DCUN1D5: variants seen among roughly 807,000 people sequenced by gnomAD.
The protein encoded by DCUN1D5 is DCN1-like protein 5.
DCUN1D5 carries 10 observed loss-of-function variants against 38.3 expected under a neutral mutation model. The ratio of observed to expected loss-of-function variants is 0.26; its 90% CI spans 0.16 to 0.44. The LOEUF (loss-of-function observed/expected upper bound fraction) is 0.44, where lower values mean the gene tolerates loss of function less well. Among genes scored for constraint, DCUN1D5 ranks in the 20% least tolerant of loss-of-function variants. The pLI is 1.00. For missense variants in DCUN1D5, 148 were observed against 275.3 expected, an observed-to-expected ratio of 0.54 and a Z score of 3.27; for synonymous variants, 93 against 90.9, an observed-to-expected ratio of 1.02 and a Z score of -0.13.
Position 103,083,356 on chromosome 11 carries a change from T to C in DCUN1D5, c.179-30A>G. On this transcript the variant is annotated intron_variant, in intron 2 of 7. Transcript: ENST00000260247. The surrounding 1 kb of genome is among the most constrained non-coding windows in gnomAD (Gnocchi z 4.4). Reference sequence around the variant, plus strand: ...AAAGACAAAAATAATTAACATATTTTGTTATAATATCAACATAAAACATAA... The same window carrying C: ...AAAGACAAAAATAATTAACATATTTCGTTATAATATCAACATAAAACATAA... The C allele has an allele frequency of 8.1e-7, 1 of 1,234,972 alleles. No individual in the cohort carries two copies. The highest frequency in any genetic ancestry group is 1.2e-6 in the Non-Finnish European group (1 of 840,140). The allele number at this position is 1,234,972 out of a possible 1,614,324, so 76.5% of individuals were successfully genotyped here. A position where few individuals can be genotyped will look rare whatever the true frequency, so the allele number is the denominator to read the frequency against.
In DCUN1D5 at chr11:103,091,454, G is replaced by C. The variant is rs1239494675; in HGVS notation, c.86+333C>G. The C allele has an allele frequency of 3.0e-6, 1 of 331,532 alleles. No individual in the cohort carries two copies. The highest frequency in any genetic ancestry group is 5.8e-6 in the Non-Finnish European group (1 of 173,390). 20.5% of individuals were successfully genotyped at this position (331,532 alleles called of 1,614,324 possible). A position where few individuals can be genotyped will look rare whatever the true frequency, so the allele number is the denominator to read the frequency against. ...TAGAAAAAGGCAGAGGAGCGATACG[G>C]GAGTAGGGGATCGAGGGTCGGTTGT... On this transcript the variant is annotated intron_variant, in intron 1 of 7. Transcript: ENST00000260247. The surrounding 1 kb of genome is among the most constrained non-coding windows in gnomAD (Gnocchi z 4.3).
intron 2 of DCUN1D5, among the ~76,000 whole-genome samples, chr11:103,088,306 G>GA (rs1011138398): frequency 2.4e-4 from 35 of 147,220 alleles, no homozygotes; most frequent in Non-Finnish European, 5.0e-4. Context: ...AAAAGAAGGA[G>GA]AAAAAAAAGT....
chr11:103,091,506 C>T lies in DCUN1D5; in HGVS notation c.86+281G>A. 2.4e-6 allele frequency: 1 copy of T among 413,864 alleles called. No individual in the cohort carries two copies. Among genetic ancestry groups the T allele is most frequent in the Non-Finnish European group, 4.5e-6 (1 of 223,322 alleles). The allele number at this position is 413,864 out of a possible 1,614,324, so 25.6% of individuals were successfully genotyped here. On this transcript the variant is annotated intron_variant, in intron 1 of 7. Transcript: ENST00000260247. The surrounding 1 kb of genome is among the most constrained non-coding windows in gnomAD (Gnocchi z 4.3). The stretch of plus-strand genomic sequence containing the variant: ...GGGTGGGGGTGGGGGTGGGGGGAAG[C>T]GCAATTTACATATGCATCTGTTCCC...
Position 103,065,571 on chromosome 11 carries a change from T to G in DCUN1D5, c.555+698A>C, listed in dbSNP as rs1275583447. 6.6e-6 allele frequency among the ~76,000 whole-genome samples: 1 copy of G among 151,876 alleles called. No individual in the cohort carries two copies. The highest frequency in any genetic ancestry group is 1.5e-5 in the Non-Finnish European group (1 of 67,978). Reference sequence around the variant, plus strand: ...GGAAAAAGCATCTGTATTCAAGATATGGTGAGAACTATACCAATAACCCTA... The same window carrying G: ...GGAAAAAGCATCTGTATTCAAGATAGGGTGAGAACTATACCAATAACCCTA... On this transcript the variant is annotated intron_variant, in intron 6 of 7. Coordinates refer to ENST00000260247, the MANE Select transcript of DCUN1D5 (RefSeq NM_032299.4). This position sits in a 1 kb window ranked among gnomAD's most constrained non-coding sequence, Gnocchi z 4.6.
rs577411502 is a variant in DCUN1D5, at chr11:103,064,252, G to A, written c.658+23C>T. 8.9e-5 allele frequency: 141 copies of A among 1,584,452 alleles called. No homozygotes were observed. In the Middle Eastern group the frequency reaches 1.8e-3, roughly 21 times the overall value. ...TATTTTTGGAAATTTTGTTTTCAAA[G>A]GAACATGTTATGTTATACTTACAAG... On this transcript the variant is annotated intron_variant, in intron 7 of 7. Coordinates refer to ENST00000260247, the MANE Select transcript of DCUN1D5 (RefSeq NM_032299.4). The surrounding 1 kb of genome is among the most constrained non-coding windows in gnomAD (Gnocchi z 4.5).
At position 103,061,807 on chromosome 11, in the gene DCUN1D5, AGAGCTAAAAGTAG is replaced by A. The variant is rs1862018207; in HGVS notation, c.*539_*551del. On this transcript the variant is annotated 3_prime_UTR_variant, in exon 8 of 8. Transcript: ENST00000260247. ...ACCTTGGCAGCTTTTATAGAAACCC[AGAGCTAAAAGTAG>A]GAGCATTTTTCCAATACCTAGAAAT... 6.6e-6 allele frequency among the ~76,000 whole-genome samples: 1 copy of A among 152,126 alleles called. No individual in the cohort carries two copies. The highest frequency in any genetic ancestry group is 2.1e-4 in the South Asian group (1 of 4,830).
rs759938163 is a variant in DCUN1D5, at chr11:103,077,420, A to G, written c.341+5328T>C. On this transcript the variant is annotated intron_variant, in intron 4 of 7. Coordinates refer to ENST00000260247, the MANE Select transcript of DCUN1D5 (RefSeq NM_032299.4). This position sits in a 1 kb window ranked among gnomAD's most constrained non-coding sequence, Gnocchi z 4.3. ...CGAAATAAAAAGAAATGCATACTTA[A>G]CTAGCGTACTATGGAAAGCAAGAGA... is the stretch of plus-strand genomic sequence containing the variant. 6.6e-6 allele frequency among the ~76,000 whole-genome samples: 1 copy of G among 152,220 alleles called. No individual in the cohort carries two copies. The highest frequency in any genetic ancestry group is 1.5e-5 in the Non-Finnish European group (1 of 68,050).
rs112336131 is a variant in DCUN1D5 at position 103,086,183 on chromosome 11, A to G, written c.179-2857T>C. Among the ~76,000 whole-genome samples, 6 of 135,256 alleles carry G rather than the reference A, an allele frequency of 4.4e-5. No individual in the cohort carries two copies. The highest frequency in any genetic ancestry group is 7.0e-5 in the Admixed American group (1 of 14,252). The allele number at this position is 135,256 out of a possible 152,430, so 88.7% of individuals were successfully genotyped here. On this transcript the variant is annotated intron_variant, in intron 2 of 7. Transcript: ENST00000260247. The surrounding 1 kb of genome is among the most constrained non-coding windows in gnomAD (Gnocchi z 4.1). ...CCAGCCATAACAGATGCTTAGGGGG[A>G]AAAAAAAAAAATTCTCAGTGACACA...
Position 103,064,406 on chromosome 11 carries a change from T to C in DCUN1D5, c.556-29A>G. The C allele has an allele frequency of 4.7e-6, 7 of 1,491,580 alleles. No homozygotes were observed. The highest frequency in any genetic ancestry group is 5.5e-6 in the Non-Finnish European group (6 of 1,093,940). 92.4% of individuals were successfully genotyped at this position (1,491,580 alleles called of 1,614,324 possible). A position where few individuals can be genotyped will look rare whatever the true frequency, so the allele number is the denominator to read the frequency against. ...CAAAAATGATTTAAATATTTGTATTTAAATATTTAAACAAACATCATTTAC... is the reference window on the plus strand; with the variant it reads ...CAAAAATGATTTAAATATTTGTATTCAAATATTTAAACAAACATCATTTAC... On this transcript the variant is annotated intron_variant, in intron 6 of 7. Coordinates refer to ENST00000260247, the MANE Select transcript of DCUN1D5 (RefSeq NM_032299.4). This position sits in a 1 kb window ranked among gnomAD's most constrained non-coding sequence, Gnocchi z 4.5.
At position 103,050,972 on chromosome 11, in the gene DCUN1D5, A is replaced by G. The variant is rs1342767904; in HGVS notation, c.*11387T>C. On this transcript the variant is annotated 3_prime_UTR_variant, in exon 8 of 8. Transcript: ENST00000260247. ...ATAATCAGACCCAGAATAAGGGGGGAAACCCTCCATGTCTACAGGATGCAG... is the reference window on the plus strand; with the variant it reads ...ATAATCAGACCCAGAATAAGGGGGGGAACCCTCCATGTCTACAGGATGCAG... 3 of 152,200 alleles carry G rather than the reference A, an allele frequency of 2.0e-5. No individual in the cohort carries two copies. Among genetic ancestry groups the G allele is most frequent in the Non-Finnish European group, 2.9e-5 (2 of 68,022 alleles). The allele number at this position is 152,200 out of a possible 1,614,324, so 9.4% of individuals were successfully genotyped here. A position where few individuals can be genotyped will look rare whatever the true frequency, so the allele number is the denominator to read the frequency against.
Position 103,077,568 on chromosome 11 carries a change from G to A in DCUN1D5, c.341+5180C>T, listed in dbSNP as rs1419659558. Among the ~76,000 whole-genome samples, 5 of 152,174 alleles carry A rather than the reference G, an allele frequency of 3.3e-5. No homozygotes were observed. Among genetic ancestry groups the A allele is most frequent in the South Asian group, 4.1e-4 (2 of 4,828 alleles). On this transcript the variant is annotated intron_variant, in intron 4 of 7. Transcript: ENST00000260247. The surrounding 1 kb of genome is among the most constrained non-coding windows in gnomAD (Gnocchi z 4.3). The stretch of plus-strand genomic sequence containing the variant: ...AGAAGAAATGGGTATTAATTTCAAC[G>A]TTAGGACTCGGAAATTAATTTCCTG...
chr11:103,081,937 A>G (rs946609057), intron 4 of DCUN1D5, among the ~76,000 whole-genome samples: 1 of 152,136 alleles, frequency 6.6e-6, no homozygotes, highest in South Asian at 2.1e-4. Flanking sequence ...TGTGTTAATG[A>G]AAGCATAATC....
intron 4 of DCUN1D5, among the ~76,000 whole-genome samples, chr11:103,067,797 T>C (rs184419632): frequency 1.8e-4 from 28 of 152,344 alleles, no homozygotes; most frequent in Non-Finnish European, 2.1e-4. Context: ...GTTGTTTTGC[T>C]AGGTTCCTAA....
chr11:103,091,832 G>T lies in DCUN1D5; in HGVS notation c.41C>A (p.Ala14Glu). 2 of 1,614,038 alleles carry T rather than the reference G, an allele frequency of 1.2e-6. No homozygotes were observed. The highest frequency in any genetic ancestry group is 2.2e-5 in the South Asian group (2 of 91,078). Residue 14 changes from alanine to glutamate, a missense_variant, in exon 1 of 8, where the codon GCA (alanine) becomes GAA (glutamate). Physicochemically the swap from Ala to Glu is moderately radical, Grantham distance 107 (BLOSUM62 -1). Transcript: ENST00000260247. This position sits in a 1 kb window ranked among gnomAD's most constrained non-coding sequence, Gnocchi z 4.3. ...KKKRKSPGVA[A>E]AVAEDGGLKK... ...GAGGCCTCCGTCTTCCGCTACTGCT[G>T]CTGCCACCCCAGGGGATTTTCTCTT...
intron 4 of DCUN1D5, among the ~76,000 whole-genome samples, chr11:103,067,916 CGTTTT>C (rs1862173762): frequency 6.6e-6 from 1 of 151,984 alleles, no homozygotes; most frequent in Non-Finnish European, 1.5e-5. Flanking sequence ...TTTTCCCCCC[CGTTTT>C]TTGAAAAAGC....
chr11:103,070,201 C>G (rs1008047750), intron 4 of DCUN1D5, among the ~76,000 whole-genome samples: 5 of 150,656 alleles, frequency 3.3e-5, no homozygotes, highest in African/African-American at 9.8e-5. Flanking sequence ...TACAAGGTAG[C>G]CTTAAGCCCT....
intron 1 of DCUN1D5, among the ~76,000 whole-genome samples, chr11:103,089,844 A>G (rs1862809889): frequency 6.6e-6 from 1 of 152,180 alleles, no homozygotes; most frequent in Admixed American, 6.5e-5. Flanking sequence ...AATTACACAG[A>G]TTTAAAAAAA....
Position 103,066,289 on chromosome 11 carries a change from C to T in DCUN1D5, c.535G>A (p.Val179Ile). Residue 179 changes from valine (V) to isoleucine (I), a missense_variant, in exon 6 of 8, where the codon GTA (valine) becomes ATA (isoleucine). Physicochemically the swap from Val to Ile is conservative, Grantham distance 29. Transcript: ENST00000260247. This position sits in a 1 kb window ranked among gnomAD's most constrained non-coding sequence, Gnocchi z 4.7. ...CGTACCTCCAGGTACTGGTAAAATACTGAAAACAGTGGCCATGTCCTCCCA... is the reference window on the plus strand; with the variant it reads ...CGTACCTCCAGGTACTGGTAAAATATTGAAAACAGTGGCCATGTCCTCCCA... ...LLGRTWPLFSVFYQYLEQSKY... is the reference protein window; with the variant it reads ...LLGRTWPLFSIFYQYLEQSKY... The T allele has an allele frequency of 1.2e-6, 2 of 1,603,408 alleles. No individual in the cohort carries two copies. Among genetic ancestry groups the T allele is most frequent in the South Asian group, 1.1e-5 (1 of 88,364 alleles).
rs1861834453 is a variant in DCUN1D5, at chr11:103,054,882, ATAG to A, written c.*7474_*7476del. ...TGCTTTCCTAGCACTAGAAAAAAAC[ATAG>A]TAGATGGCAAACCTGTCACATAAGA... On this transcript the variant is annotated 3_prime_UTR_variant, in exon 8 of 8. Coordinates refer to ENST00000260247, the MANE Select transcript of DCUN1D5 (RefSeq NM_032299.4). 1 of 152,122 alleles carries A rather than the reference ATAG, an allele frequency of 6.6e-6. No individual in the cohort carries two copies. Among genetic ancestry groups the A allele is most frequent in the Non-Finnish European group, 1.5e-5 (1 of 67,992 alleles). 9.4% of individuals were successfully genotyped at this position (152,122 alleles called of 1,614,324 possible).
Sources: allele counts gnomAD v4.1 joint callset (sites outside exome capture counted in the v4.1 genomes callset), GRCh38; gene constraint gnomAD v4.1.1; non-coding constraint Gnocchi (gnomAD v3.1); transcripts MANE v1.5; gene names NCBI Gene and HGNC (gene_info 2026-07-23, HGNC 2026-07-21).